Variants in GPS2 observed in about 807,000 individuals in gnomAD.
GPS2 encodes G protein pathway suppressor 2.
GPS2 carries 22 observed loss-of-function variants against 48.1 expected under a neutral mutation model. The ratio of observed to expected loss-of-function variants is 0.46; its 90% CI spans 0.33 to 0.65. The LOEUF is 0.65. GPS2 is among the 30% of genes least tolerant of loss of function. GPS2 has a pLI of 0.03. For missense variants in GPS2, 366 were observed against 406.8 expected (o/e 0.90, Z 0.86); for synonymous variants, 202 against 142.5 (o/e 1.42, Z -2.98).
intron 2 of GPS2, 27 bp from the exon 3 acceptor site, chr17:7,314,624 A>C (rs777054220): frequency 1.2e-5 from 19 of 1,613,630 alleles, no homozygotes; most frequent in Non-Finnish European, 1.5e-5. Flanking sequence ...AATGAAGAAG[A>C]GGCAGGGTAG....
chr17:7,313,545 G>A, intron 7 of GPS2, 23 bp downstream of exon 7: 7 of 1,613,534 alleles, frequency 4.3e-6, no homozygotes, highest in African/African-American at 1.3e-5. Context: ...GGAAGGCCAA[G>A]CCCCATCCCT....
chr17:7,313,355 G>C (rs750631519), intron 8 of GPS2, 25 bp downstream of exon 8: 11 of 1,612,304 alleles, frequency 6.8e-6, no homozygotes, highest in South Asian at 1.1e-5. Context: ...CTGAGAGCTA[G>C]AGCTCCTGCA....
intron 2 of GPS2, 168 bp from the exon 3 acceptor site, chr17:7,314,765 G>A (rs576285160): frequency 9.6e-6 from 13 of 1,360,778 alleles, no homozygotes; most frequent in Admixed American, 1.8e-5. Context: ...TTTATCAGGT[G>A]CTCTCCAAGG....
In GPS2 at chr17:7,312,717, TGGGGTGG is replaced by T; in HGVS notation, c.*32_*38del. On this transcript the variant is annotated 3_prime_UTR_variant, in exon 11 of 11. Transcript: ENST00000380728. ...ACACAGGGGATACCCTCACCCACGA[TGGGGTGG>T]GGGGTGTGGTGTTGAAGATATAATC... 4.8e-6 allele frequency: 7 copies of T among 1,446,272 alleles called. No homozygotes were observed. Among genetic ancestry groups the T allele is most frequent in the Non-Finnish European group, 6.8e-6 (7 of 1,027,222 alleles). 89.6% of individuals were successfully genotyped at this position (1,446,272 alleles called of 1,614,324 possible).
chr17:7,313,539 G>A (rs746831445), intron 7 of GPS2, 29 bp downstream of exon 7: 1 of 1,613,440 alleles, frequency 6.2e-7, no homozygotes, highest in Non-Finnish European at 8.5e-7. Context: ...CCTTGAGGAA[G>A]GCCAAGCCCC....
At position 7,314,600 on chromosome 17, in the gene GPS2, G is replaced by A. The variant is rs758175051; in HGVS notation, c.95-3C>T. 9 of 1,613,908 alleles carry A rather than the reference G, an allele frequency of 5.6e-6. No individual in the cohort carries two copies. The South Asian group carries it at 6.6e-5, about 12-fold the overall frequency. ...CATCTTATCCACCTCTTCTTCCTCTGGAGAATCAGGCAGAATGAAGAAGAG... is the reference window on the plus strand; with the variant it reads ...CATCTTATCCACCTCTTCTTCCTCTAGAGAATCAGGCAGAATGAAGAAGAG... On this transcript the variant is annotated splice_polypyrimidine_tract_variant and splice_region_variant and intron_variant, in intron 2 of 10. Coordinates refer to ENST00000380728, the MANE Select transcript of GPS2 (RefSeq NM_004489.5).
At chr17:7,312,987 A>C (rs1567615208) in intron 10 of GPS2, 42 bp downstream of exon 10, 39 of 1,490,796 alleles carry the variant, frequency 2.6e-5, no homozygotes, top group Non-Finnish European at 3.4e-5. Flanking sequence ...CCGGATCCCT[A>C]GTGTAGGGAT....
At position 7,313,995 on chromosome 17, in the gene GPS2, A is replaced by C. The variant is rs1383170925; in HGVS notation, c.398-7T>G. 1.9e-6 allele frequency: 3 copies of C among 1,613,476 alleles called. No individual in the cohort carries two copies. The highest frequency in any genetic ancestry group is 2.5e-6 in the Non-Finnish European group (3 of 1,179,574). Reference sequence around the variant, plus strand: ...TTGTGTCCTCCAGGGCTCCCTAGAAAGGGAGAAGGGCTTCATGATGCTGAA... The same window carrying C: ...TTGTGTCCTCCAGGGCTCCCTAGAACGGGAGAAGGGCTTCATGATGCTGAA... On this transcript the variant is annotated splice_polypyrimidine_tract_variant and splice_region_variant and intron_variant, in intron 5 of 10. Coordinates refer to ENST00000380728, the MANE Select transcript of GPS2 (RefSeq NM_004489.5).
chr17:7,314,000 G>A lies in GPS2; in HGVS notation c.398-12C>T, dbSNP rs746443109. The A allele has an allele frequency of 4.3e-6, 7 of 1,613,272 alleles. No homozygotes were observed. Among genetic ancestry groups the A allele is most frequent in the Non-Finnish European group, 5.9e-6 (7 of 1,179,356 alleles). ...TCCTCCAGGGCTCCCTAGAAAGGGA[G>A]AAGGGCTTCATGATGCTGAAATGGG... On this transcript the variant is annotated splice_polypyrimidine_tract_variant and intron_variant, in intron 5 of 10. Transcript: ENST00000380728.
rs774431238 is a variant in GPS2 at position 7,312,728 on chromosome 17, G to A, written c.*28C>T. 2 of 1,546,470 alleles carry A rather than the reference G, an allele frequency of 1.3e-6. No individual in the cohort carries two copies. The highest frequency in any genetic ancestry group is 1.4e-5 in the African/African-American group (1 of 73,684). On this transcript the variant is annotated 3_prime_UTR_variant, in exon 11 of 11. Coordinates refer to ENST00000380728, the MANE Select transcript of GPS2 (RefSeq NM_004489.5). Reference sequence around the variant, plus strand: ...ACCCTCACCCACGATGGGGTGGGGGGTGTGGTGTTGAAGATATAATCTGAT... The same window carrying A: ...ACCCTCACCCACGATGGGGTGGGGGATGTGGTGTTGAAGATATAATCTGAT...
At chr17:7,314,922 C>CTGGGCCGTGCGTCCCCCTGCTA (rs1431740963) in intron 2 of GPS2, 37 bp downstream of exon 2, 1 of 1,552,652 alleles carries the variant, frequency 6.4e-7, no homozygotes, top group African/African-American at 1.4e-5. Flanking sequence ...AGGAGCCATT[C>CTGGGCCGTGCGTCCCCCTGCTA]TGGGCCGTGC....
At position 7,315,021 on chromosome 17, in the gene GPS2, G is replaced by A; in HGVS notation, c.32C>T (p.Ser11Phe). ...GTGCAGCGCCCTGGCCATGGCGTTG[G>A]AAAGCTTGGGGCGCTCCAGGAGTGC... is the stretch of plus-strand genomic sequence containing the variant. Reference protein sequence around the residue: MPALLERPKLSNAMARALHRH... With the variant: MPALLERPKLFNAMARALHRH... Residue 11 changes from serine to phenylalanine, a missense_variant, in exon 2 of 11, where the codon TCC becomes TTC. Transcript: ENST00000380728. 6.2e-7 allele frequency: 1 copy of A among 1,604,218 alleles called. No individual in the cohort carries two copies. The highest frequency in any genetic ancestry group is 8.5e-7 in the Non-Finnish European group (1 of 1,176,430).
rs201950027 is a variant in GPS2 at position 7,313,656 on chromosome 17, G to A, written c.546C>T (p.Gly182=). ...CAGTCCCATAGGCACCACCAGGACT[G>A]CCTTGGAATTGTCCATGCTCTGGTG... ...AGTPEHGQFQ[G]SPGGAYGTAQ... is the part of the protein sequence containing the mutation. The change falls in exon 7 of 11, where the codon GGC becomes GGT. Residue 182 remains glycine (G), a synonymous_variant. Coordinates refer to ENST00000380728, the MANE Select transcript of GPS2 (RefSeq NM_004489.5). The A allele has an allele frequency of 3.7e-5, 60 of 1,614,180 alleles. No homozygotes were observed. The East Asian group carries it at 1.2e-3, about 31-fold the overall frequency.
Position 7,314,005 on chromosome 17 carries a change from G to C in GPS2, c.398-17C>G, listed in dbSNP as rs768215762. On this transcript the variant is annotated splice_polypyrimidine_tract_variant and intron_variant, in intron 5 of 10. Transcript: ENST00000380728. ...CAGGGCTCCCTAGAAAGGGAGAAGG[G>C]CTTCATGATGCTGAAATGGGAGGCT... 8 of 1,612,212 alleles carry C rather than the reference G, an allele frequency of 5.0e-6. No homozygotes were observed. Among genetic ancestry groups the C allele is most frequent in the Non-Finnish European group, 6.8e-6 (8 of 1,178,330 alleles).
Position 7,312,857 on chromosome 17 carries a change from A to G in GPS2, c.901-18T>C, listed in dbSNP as rs2072878687. On this transcript the variant is annotated intron_variant, in intron 10 of 10. Coordinates refer to ENST00000380728, the MANE Select transcript of GPS2 (RefSeq NM_004489.5). ...AAGCCCGACTGGTGGTGGTGATGAA[A>G]AGAGGGCTTTGTCACTGGGCATACT... The G allele has an allele frequency of 6.2e-7, 1 of 1,609,848 alleles. No individual in the cohort carries two copies. Among genetic ancestry groups the G allele is most frequent in the Non-Finnish European group, 8.5e-7 (1 of 1,176,420 alleles).
At chr17:7,314,183 A>G (rs1433504884) in intron 4 of GPS2, 24 bp from the exon 5 acceptor site, 1 of 1,605,874 alleles carries the variant, frequency 6.2e-7, no homozygotes, top group Non-Finnish European at 8.5e-7. Context: ...AAGACAGGTC[A>G]AAGTCAAGGA....
At chr17:7,314,936 C>T in intron 2 of GPS2, 23 bp downstream of exon 2, 1 of 1,560,874 alleles carries the variant, frequency 6.4e-7, no homozygotes, top group Non-Finnish European at 8.7e-7. Flanking sequence ...GCCGTGCGTC[C>T]CCCTGCTATG....
At position 7,313,960 on chromosome 17, in the gene GPS2, G is replaced by A; in HGVS notation, c.426C>T (p.Gly142=). The A allele has an allele frequency of 6.2e-7, 1 of 1,614,106 alleles. No homozygotes were observed. The highest frequency in any genetic ancestry group is 8.5e-7 in the Non-Finnish European group (1 of 1,179,980). The change falls in exon 6 of 11, where the codon GGC becomes GGT. Residue 142 remains glycine, a synonymous_variant. Transcript: ENST00000380728. ...QGSPGGHNRP[G]TLMAADRAKQ... ...TGGCTCTGTCAGCTGCCATGAGGGT[G>A]CCTGGGCGATTGTGTCCTCCAGGGC...
Position 7,314,977 on chromosome 17 carries a change from G to A in GPS2, c.76C>T (p.Arg26Trp). 1.3e-6 allele frequency: 2 copies of A among 1,594,706 alleles called. No individual in the cohort carries two copies. The highest frequency in any genetic ancestry group is 1.1e-5 in the South Asian group (1 of 88,064). Reference protein sequence around the residue: ...RALHRHIMMERERKRQEEEEV... With the variant: ...RALHRHIMMEWERKRQEEEEV... ...GGCTCACCCTGCCGCTTGCGCTCCC[G>A]CTCCATCATAATGTGCCGGTGCAGC... The change falls in exon 2 of 11, where the codon CGG becomes TGG. Residue 26 changes from arginine to tryptophan, a missense_variant. Transcript: ENST00000380728.
Sources: gnomAD v4.1 joint callset for allele counts on GRCh38, gnomAD v4.1.1 for gene constraint, MANE v1.5 for transcripts, NCBI Gene and HGNC (gene_info 2026-07-23, HGNC 2026-07-21) for gene names.